Variants in RABEPK observed in about 807,000 individuals in gnomAD.
RABEPK encodes the protein Rab9 effector protein with kelch motifs.
In RABEPK, 27 loss-of-function variants were observed where a neutral mutation model predicts 34.1. The observed-to-expected ratio is 0.79, with a 90% CI of 0.58 to 1.09. The LOEUF is 1.09. Among genes scored for constraint, RABEPK ranks in the 50% least tolerant of loss-of-function variants. The probability of loss-of-function intolerance (pLI) is 0.00; values close to 1 mark genes in which losing one functional copy is unlikely to be tolerated. For synonymous variants in RABEPK, 172 were observed against 169.2 expected (o/e 1.02, Z -0.13); for missense variants, 449 against 462.6 (o/e 0.97, Z 0.27).
chr9:125,224,675 C>T (rs1457661383), intron 5 of RABEPK, among the ~76,000 whole-genome samples: 2 of 151,982 alleles, frequency 1.3e-5, no homozygotes, highest in African/African-American at 2.4e-5. Flanking sequence ...AGGATGGTCT[C>T]GATCTCCTGA....
chr9:125,223,711 C>T (rs978696654), intron 5 of RABEPK, among the ~76,000 whole-genome samples: 4 of 121,986 alleles, frequency 3.3e-5, no homozygotes, highest in South Asian at 2.7e-4. Flanking sequence ...TGCAGTAGAG[C>T]GAGACCCTGA....
rs1327335157 is a variant in RABEPK at position 125,227,934 on chromosome 9, A to C, written c.551A>C (p.Glu184Ala). 2.5e-6 allele frequency: 4 copies of C among 1,605,580 alleles called. No homozygotes were observed. Among genetic ancestry groups the C allele is most frequent in the Non-Finnish European group, 3.4e-6 (4 of 1,175,722 alleles). Residue 184 changes from glutamate (E) to alanine (A), a missense_variant, in exon 6 of 8, where the codon GAG becomes GCG. By Grantham distance (107) the Glu-to-Ala change is moderately radical. Transcript: ENST00000373538. ...GACACTCTGACCTGGTCACAGCCAG[A>C]GACACTTGGAAATCCTCCATCTCCC... ...DANTLTWSQP[E>A]TLGNPPSPRH...
intron 5 of RABEPK, among the ~76,000 whole-genome samples, chr9:125,225,696 A>C (rs1014812610): frequency 1.3e-5 from 2 of 150,338 alleles, no homozygotes; most frequent in Non-Finnish European, 3.0e-5. Flanking sequence ...AGTGGTGGCT[A>C]ACGCCTGTAA....
chr9:125,233,777 A>T lies in RABEPK; in HGVS notation c.916A>T (p.Thr306Ser), dbSNP rs776940639. 2 of 1,614,046 alleles carry T rather than the reference A, an allele frequency of 1.2e-6. No homozygotes were observed. Among genetic ancestry groups the T allele is most frequent in the Non-Finnish European group, 1.7e-6 (2 of 1,179,924 alleles). Residue 306 changes from threonine to serine, a missense_variant, in exon 8 of 8, where the codon ACG becomes TCG. Transcript: ENST00000373538. ...CATGTGTATCATTCCATGGCCAGTG[A>T]CGTGTGCTTCTGAGAAAGAAGATTC... ...HSMCIIPWPV[T>S]CASEKEDSNS...
chr9:125,220,960 A>G, intron 5 of RABEPK: 2 of 343,268 alleles, frequency 5.8e-6, no homozygotes, highest in Admixed American at 4.6e-5. Flanking sequence ...TAAGGTCAGG[A>G]GTTCGAGAAC....
chr9:125,204,006 T>C (rs1374489936), intron 2 of RABEPK, among the ~76,000 whole-genome samples: 1 of 118,950 alleles, frequency 8.4e-6, no homozygotes, highest in Non-Finnish European at 1.6e-5. Flanking sequence ...TACTCCAGCA[T>C]GGGCCACAGA....
At position 125,232,230 on chromosome 9, in the gene RABEPK, A is replaced by ACC. The variant is rs1464185440; in HGVS notation, c.677-365_677-364insCC. Among the ~76,000 whole-genome samples, 3 of 107,722 alleles carry ACC rather than the reference A, an allele frequency of 2.8e-5. No individual in the cohort carries two copies. The Admixed American group carries it at 3.0e-4, about 11-fold the overall frequency. 70.7% of individuals were successfully genotyped at this position (107,722 alleles called of 152,430 possible). A position where few individuals can be genotyped will look rare whatever the true frequency, so the allele number is the denominator to read the frequency against. Reference sequence around the variant, plus strand: ...CTGTATTTAAAGTACACACACACACACACACACACACACACAGAGACAGAG... The same window carrying ACC: ...CTGTATTTAAAGTACACACACACACACCCACACACACACACACAGAGACAGAG... On this transcript the variant is annotated intron_variant, in intron 6 of 7. Coordinates refer to ENST00000373538, the MANE Select transcript of RABEPK (RefSeq NM_005833.4).
At chr9:125,201,730 C>T (rs1242843269) in intron 1 of RABEPK, among the ~76,000 whole-genome samples, 1 of 152,078 alleles carries the variant, frequency 6.6e-6, no homozygotes, top group Admixed American at 6.5e-5. Flanking sequence ...TCTCACGCCT[C>T]AGCCTCCTGA....
At chr9:125,224,195 C>CA (rs1243778698) in intron 5 of RABEPK, among the ~76,000 whole-genome samples, 8 of 122,308 alleles carry the variant, frequency 6.5e-5, no homozygotes, top group Non-Finnish European at 1.0e-4. Flanking sequence ...CACTCTATCT[C>CA]AAAAAACAAA....
intron 4 of RABEPK, among the ~76,000 whole-genome samples, chr9:125,219,535 A>G (rs558881865): frequency 5.3e-5 from 8 of 152,032 alleles, no homozygotes; most frequent in African/African-American, 1.9e-4. Context: ...CTGGGATTAT[A>G]GGTCCCCACC....
chr9:125,209,021 C>G (rs1302247989), intron 3 of RABEPK, among the ~76,000 whole-genome samples: 3 of 151,200 alleles, frequency 2.0e-5, no homozygotes, highest in African/African-American at 7.3e-5. Flanking sequence ...CAAATCTAAC[C>G]ATGTCACTCC....
chr9:125,208,613 G>A (rs150362640), intron 3 of RABEPK, among the ~76,000 whole-genome samples: 1,707 of 151,344 alleles, frequency 0.011, 31 homozygotes, highest in Admixed American at 0.048. Flanking sequence ...TCAGCTGACC[G>A]CAACCTGTGC....
At chr9:125,233,638 G>A (rs1450814006) in intron 7 of RABEPK, 50 bp from the exon 8 acceptor site, 16 of 1,572,284 alleles carry the variant, frequency 1.0e-5, no homozygotes, top group East Asian at 6.7e-5. Flanking sequence ...CACCGTGCCC[G>A]GCCTATCTGG....
chr9:125,206,839 C>G (rs909339050), intron 2 of RABEPK, among the ~76,000 whole-genome samples: 3 of 152,178 alleles, frequency 2.0e-5, no homozygotes, highest in Non-Finnish European at 4.4e-5. Context: ...CCTGTAATCC[C>G]AGCAATTTGG....
At chr9:125,203,113 C>T (rs779058243) in intron 2 of RABEPK, 47 bp downstream of exon 2, 6 of 1,519,882 alleles carry the variant, frequency 3.9e-6, no homozygotes. Context: ...GTTTTTGTTT[C>T]ATTTATAAGT....
rs929250204 is a variant in RABEPK at position 125,200,702 on chromosome 9, A to C, written c.-211A>C. 16 of 471,098 alleles carry C rather than the reference A, an allele frequency of 3.4e-5. No individual in the cohort carries two copies. Among genetic ancestry groups the C allele is most frequent in the Admixed American group, 9.4e-5 (4 of 42,568 alleles). 29.2% of individuals were successfully genotyped at this position (471,098 alleles called of 1,614,324 possible). A position where few individuals can be genotyped will look rare whatever the true frequency, so the allele number is the denominator to read the frequency against. On this transcript the variant is annotated 5_prime_UTR_variant, in exon 1 of 8. Coordinates refer to ENST00000373538, the MANE Select transcript of RABEPK (RefSeq NM_005833.4). ...CCAAGCCGGGTGCAAAGAACGGGGA[A>C]GGGCCTTCCCTGGCTCCGTCCCGGC...
intron 6 of RABEPK, among the ~76,000 whole-genome samples, chr9:125,231,823 G>C (rs530293880): frequency 6.6e-6 from 1 of 151,926 alleles, no homozygotes; most frequent in East Asian, 1.9e-4. Flanking sequence ...AAATTTCATA[G>C]GGCTGTTATG....
At chr9:125,215,060 G>T (rs1237893747) in intron 4 of RABEPK, among the ~76,000 whole-genome samples, 1 of 151,966 alleles carries the variant, frequency 6.6e-6, no homozygotes, top group African/African-American at 2.4e-5. Context: ...AAAATGCTGG[G>T]ATTACAGGCA....
intron 2 of RABEPK, among the ~76,000 whole-genome samples, chr9:125,206,946 A>C (rs1830261023): frequency 6.6e-6 from 1 of 152,052 alleles, no homozygotes; most frequent in African/African-American, 2.4e-5. Flanking sequence ...AAAATTAGCC[A>C]GGTGTGGTGG....
Sources: allele counts gnomAD v4.1 joint callset (sites outside exome capture counted in the v4.1 genomes callset), GRCh38; gene constraint gnomAD v4.1.1; transcripts MANE v1.5; gene names NCBI Gene and HGNC (gene_info 2026-07-23, HGNC 2026-07-21).